The following WDR70 variants were observed in gnomAD, a reference collection of about 807,000 sequenced individuals.
WDR70 encodes the protein WD repeat domain 70, also known as WD repeat-containing protein 70.
Under a neutral mutation model 88.6 loss-of-function variants are expected in WDR70, and 53 were observed. That is an observed-to-expected ratio of 0.60 (90% confidence interval 0.48 to 0.75). WDR70 has a LOEUF of 0.75. WDR70 is among the 30% of genes least tolerant of loss of function. The pLI is 0.00. For synonymous variants in WDR70, 280 were observed against 270.0 expected, an observed-to-expected ratio of 1.04 and a Z score of -0.36; for missense variants, 610 against 823.2, an observed-to-expected ratio of 0.74 and a Z score of 3.17.
intron 10 of WDR70, among the ~76,000 whole-genome samples, chr5:37,654,566 G>T (rs1019391120): frequency 1.3e-5 from 2 of 152,156 alleles, no homozygotes; most frequent in South Asian, 4.1e-4. Flanking sequence ...CACTGTTATT[G>T]TGTGAGAGTC....
intron 9 of WDR70, among the ~76,000 whole-genome samples, chr5:37,522,019 C>T (rs1011845540): frequency 1.3e-5 from 2 of 152,062 alleles, no homozygotes; most frequent in African/African-American, 2.4e-5. Context: ...TCACTGCATC[C>T]CCACCAACAT....
chr5:37,724,862 C>CA, intron 15 of WDR70, 72 bp from the exon 16 acceptor site: 1 of 1,301,042 alleles, frequency 7.7e-7, no homozygotes, highest in South Asian at 1.2e-5. Context: ...TTCAGTTAGT[C>CA]ATGCTTTAAC....
chr5:37,654,904 T>C (rs1745507044), intron 10 of WDR70, among the ~76,000 whole-genome samples: 1 of 152,240 alleles, frequency 6.6e-6, no homozygotes, highest in Non-Finnish European at 1.5e-5. Flanking sequence ...TTTATCCAAT[T>C]TGCCAGTCTG....
intron 9 of WDR70, among the ~76,000 whole-genome samples, chr5:37,586,517 G>A (rs1284999825): frequency 2.0e-5 from 3 of 151,820 alleles, no homozygotes; most frequent in East Asian, 3.9e-4. Context: ...CCATCAACCC[G>A]TCACCTACAT....
intron 10 of WDR70, among the ~76,000 whole-genome samples, chr5:37,637,075 C>T (rs7709969): frequency 0.047 from 7,180 of 152,134 alleles, 204 homozygotes; most frequent in Middle Eastern, 0.12. Context: ...GGCGTGGTAG[C>T]TCACGTATGT....
In WDR70 at chr5:37,658,102, CAT is replaced by C. The variant is rs373756536; in HGVS notation, c.1093-39550_1093-39549del. Among the ~76,000 whole-genome samples the C allele has an allele frequency of 3.4e-4, 52 of 152,008 alleles. 2 individuals carry two copies. In the South Asian group the frequency reaches 9.3e-3, roughly 27 times the overall value. ...TAAGAAAATAATAAGGAAGAAAAAA[CAT>C]ATTAATTAAGTGGAAGTGGATCACT... is the stretch of plus-strand genomic sequence containing the variant. On this transcript the variant is annotated intron_variant, in intron 10 of 17. Coordinates refer to ENST00000265107, the MANE Select transcript of WDR70 (RefSeq NM_018034.4).
chr5:37,563,482 C>T (rs1742604571), intron 9 of WDR70, among the ~76,000 whole-genome samples: 1 of 60,078 alleles, frequency 1.7e-5, no homozygotes, highest in Non-Finnish European at 4.1e-5. Flanking sequence ...AGAGGGGCTC[C>T]TCACTTCCCA....
rs1474846979 is a variant in WDR70, at chr5:37,653,566, T to C, written c.1093-44089T>C. Among the ~76,000 whole-genome samples the C allele has an allele frequency of 2.0e-5, 3 of 152,158 alleles. No individual in the cohort carries two copies. In the South Asian group the frequency reaches 6.2e-4, roughly 32 times the overall value. On this transcript the variant is annotated intron_variant, in intron 10 of 17. Coordinates refer to ENST00000265107, the MANE Select transcript of WDR70 (RefSeq NM_018034.4). The stretch of plus-strand genomic sequence containing the variant: ...AGAATTCTGCTGTGAATCCATCTGG[T>C]CCTGGGCTTTTTTTGGTTAGTAGGC...
chr5:37,743,798 G>A (rs1748560706), intron 17 of WDR70, among the ~76,000 whole-genome samples: 1 of 152,196 alleles, frequency 6.6e-6, no homozygotes, highest in African/African-American at 2.4e-5. Flanking sequence ...AGCAGGAGGG[G>A]TGGCCTTAGT....
chr5:37,498,106 G>C (rs1337276762), intron 8 of WDR70, among the ~76,000 whole-genome samples: 1 of 152,172 alleles, frequency 6.6e-6, no homozygotes, highest in African/African-American at 2.4e-5. Context: ...ACAGGCGTGA[G>C]CCACTGCACC....
In WDR70 at chr5:37,455,636, C is replaced by CTTTTTTTTTTTTTTTTTTT. The variant is rs59254502; in HGVS notation, c.686+12265_686+12283dup. Among the ~76,000 whole-genome samples the CTTTTTTTTTTTTTTTTTTT allele has an allele frequency of 2.4e-4, 17 of 70,434 alleles. 2 individuals are homozygous for CTTTTTTTTTTTTTTTTTTT. The highest frequency in any genetic ancestry group is 6.4e-4 in the East Asian group (1 of 1,566). The allele number at this position is 70,434 out of a possible 152,430, so 46.2% of individuals were successfully genotyped here. Reference sequence around the variant, plus strand: ...TTCTCTCGGGTCCAGTTCTCTTTATCTTTTTTTTTTTTTTTTTTTGCCACA... The same window carrying CTTTTTTTTTTTTTTTTTTT: ...TTCTCTCGGGTCCAGTTCTCTTTATCTTTTTTTTTTTTTTTTTTTTTTTTTTTTTTTTTTTTTTGCCACA... On this transcript the variant is annotated intron_variant, in intron 7 of 17. Transcript: ENST00000265107.
In WDR70 at chr5:37,519,610, C is replaced by G. The variant is rs756720936; in HGVS notation, c.917+3020C>G. On this transcript the variant is annotated intron_variant, in intron 9 of 17. Coordinates refer to ENST00000265107, the MANE Select transcript of WDR70 (RefSeq NM_018034.4). Reference sequence around the variant, plus strand: ...GAGGCGCTCCTCACCTCCCAGACGGCGTGGCCGGGCGGAGGCGCTCCTCAC... The same window carrying G: ...GAGGCGCTCCTCACCTCCCAGACGGGGTGGCCGGGCGGAGGCGCTCCTCAC... Among the ~76,000 whole-genome samples, 347 of 88,856 alleles carry G rather than the reference C, an allele frequency of 3.9e-3. 4 individuals are homozygous for G. Among genetic ancestry groups the G allele is most frequent in the Middle Eastern group, 0.034 (3 of 88 alleles). The allele number at this position is 88,856 out of a possible 152,430, so 58.3% of individuals were successfully genotyped here. A position where few individuals can be genotyped will look rare whatever the true frequency, so the allele number is the denominator to read the frequency against.
intron 5 of WDR70, among the ~76,000 whole-genome samples, chr5:37,419,168 C>A (rs1749860610): frequency 6.6e-6 from 1 of 151,900 alleles, no homozygotes; most frequent in Admixed American, 6.6e-5. Context: ...AAGCCCCCAC[C>A]TCTTTGCTGT....
chr5:37,494,457 G>A (rs59176360), intron 8 of WDR70, among the ~76,000 whole-genome samples: 7,344 of 152,230 alleles, frequency 0.048, 574 homozygotes, highest in African/African-American at 0.16. Flanking sequence ...CGGTGACTGT[G>A]GGGGAGAACG....
chr5:37,637,540 A>T (rs746417249), intron 10 of WDR70, among the ~76,000 whole-genome samples: 5 of 152,160 alleles, frequency 3.3e-5, no homozygotes, highest in Non-Finnish European at 7.3e-5. Context: ...TTTGAAAGAG[A>T]CAATTTTAGG....
intron 7 of WDR70, among the ~76,000 whole-genome samples, chr5:37,450,877 G>A (rs754587742): frequency 6.6e-6 from 1 of 151,966 alleles, no homozygotes; most frequent in African/African-American, 2.4e-5. Flanking sequence ...GTGTGTTTGT[G>A]TGAGTGTATA....
At chr5:37,452,773 TG>T (rs1738714825) in intron 7 of WDR70, among the ~76,000 whole-genome samples, 1 of 152,190 alleles carries the variant, frequency 6.6e-6, no homozygotes, top group Non-Finnish European at 1.5e-5. Flanking sequence ...TCTCCTCACC[TG>T]GAATAGCAAA....
At chr5:37,555,647 C>T (rs1420878924) in intron 9 of WDR70, among the ~76,000 whole-genome samples, 1 of 152,152 alleles carries the variant, frequency 6.6e-6, no homozygotes, top group African/African-American at 2.4e-5. Context: ...CCCGCTTAAC[C>T]TTATGCCAGA....
At chr5:37,546,468 A>G (rs557058298) in intron 9 of WDR70, among the ~76,000 whole-genome samples, 8 of 152,222 alleles carry the variant, frequency 5.3e-5, no homozygotes, top group Non-Finnish European at 1.2e-4. Context: ...GGCTACATGA[A>G]CATAAATGCT....
Sources: allele counts gnomAD v4.1 joint callset (sites outside exome capture counted in the v4.1 genomes callset), GRCh38; gene constraint gnomAD v4.1.1; transcripts MANE v1.5; gene names NCBI Gene and HGNC (gene_info 2026-07-23, HGNC 2026-07-21).